Variants in RGL1 observed in about 807,000 individuals in gnomAD.
RGL1 encodes ral guanine nucleotide dissociation stimulator like 1, also known as ral guanine nucleotide dissociation stimulator-like 1.
RGL1 carries 24 observed loss-of-function variants against 95.2 expected under a neutral mutation model. The observed-to-expected ratio is 0.25, with a 90% CI of 0.18 to 0.35. The LOEUF (loss-of-function observed/expected upper bound fraction) is 0.35. RGL1 is among the 10% of genes least tolerant of loss of function. RGL1 has a pLI of 1.00. For missense variants in RGL1, 715 were observed against 936.3 expected (o/e 0.76, Z 3.08); for synonymous variants, 329 against 344.9 (o/e 0.95, Z 0.51).
intron 5 of RGL1, among the ~76,000 whole-genome samples, chr1:183,883,557 T>C (rs1230889640): frequency 6.6e-6 from 1 of 152,124 alleles, no homozygotes; most frequent in African/African-American, 2.4e-5. Flanking sequence ...AGCCAGTGAT[T>C]TGTCAGAGTG....
At chr1:183,733,343 T>A (rs12057441) in intron 1 of RGL1, among the ~76,000 whole-genome samples, 1 of 152,158 alleles carries the variant, frequency 6.6e-6, no homozygotes, top group African/African-American at 2.4e-5. Flanking sequence ...TGACTTTGTA[T>A]TCGCTTTTGG....
intron 2 of RGL1, among the ~76,000 whole-genome samples, chr1:183,785,028 A>C (rs1660086136): frequency 6.6e-6 from 1 of 152,156 alleles, no homozygotes; most frequent in Non-Finnish European, 1.5e-5. Context: ...AAAAAGTTAA[A>C]ATTTATAAGC....
chr1:183,914,587 C>T (rs181677906), intron 15 of RGL1, among the ~76,000 whole-genome samples: 101 of 152,282 alleles, frequency 6.6e-4, no homozygotes, highest in African/African-American at 2.4e-3. Flanking sequence ...CTTCCTTTTC[C>T]ACAGGCTGCA....
chr1:183,857,863 C>G (rs941301966), intron 3 of RGL1, among the ~76,000 whole-genome samples: 3 of 152,128 alleles, frequency 2.0e-5, no homozygotes, highest in African/African-American at 7.2e-5. Flanking sequence ...GACTGTAGAG[C>G]CTTAGCTTGT....
chr1:183,880,512 C>T, intron 4 of RGL1, 104 bp from the exon 5 acceptor site: 2 of 907,136 alleles, frequency 2.2e-6, no homozygotes, highest in South Asian at 1.7e-5. Context: ...TGACCACCCA[C>T]CCAAGTTTCC....
intron 9 of RGL1, among the ~76,000 whole-genome samples, chr1:183,894,420 A>G (rs562893472): frequency 6.6e-6 from 1 of 152,312 alleles, no homozygotes; most frequent in South Asian, 2.1e-4. Flanking sequence ...TTGGCTGTGA[A>G]TTCATGTGGT....
chr1:183,752,839 C>T (rs76609293), intron 2 of RGL1, among the ~76,000 whole-genome samples: 3,111 of 152,106 alleles, frequency 0.02, 96 homozygotes, highest in African/African-American at 0.069. Flanking sequence ...TTCCATTGCA[C>T]TGGAAGGGGA....
chr1:183,759,341 C>G (rs4132276), intron 2 of RGL1, among the ~76,000 whole-genome samples: 105,589 of 152,006 alleles, frequency 0.69, 37,046 homozygotes, highest in East Asian at 0.91. Context: ...GGTGGGTTTT[C>G]TGCTATAGGA....
chr1:183,789,991 G>A (rs1254227597), intron 2 of RGL1, among the ~76,000 whole-genome samples: 3 of 151,798 alleles, frequency 2.0e-5, no homozygotes, highest in Non-Finnish European at 2.9e-5. Context: ...CATGATCTTG[G>A]CTCACTGCAG....
chr1:183,733,517 A>G (rs1656755592), intron 1 of RGL1, among the ~76,000 whole-genome samples: 1 of 152,180 alleles, frequency 6.6e-6, no homozygotes, highest in Admixed American at 6.6e-5. Flanking sequence ...ATGTTGAGCC[A>G]GTAGTAGTAT....
At chr1:183,636,208 G>T in exon 1 of RGL1, 1 of 399,590 alleles carries the variant, frequency 2.5e-6, no homozygotes. Flanking sequence ...GGCTGGCTGG[G>T]ACTTGGCTGT....
upstream of RGL1, among the ~76,000 whole-genome samples, chr1:183,801,046 A>T (rs1329973960): frequency 1.3e-5 from 2 of 151,620 alleles, no homozygotes; most frequent in South Asian, 2.1e-4. Context: ...TTTTTGAGGA[A>T]CCATACTGTT....
chr1:183,786,048 A>T (rs1429819665), intron 2 of RGL1, among the ~76,000 whole-genome samples: 2 of 152,126 alleles, frequency 1.3e-5, no homozygotes, highest in Non-Finnish European at 2.9e-5. Context: ...ACTCTACTCC[A>T]GCCTGGGCAA....
chr1:183,788,713 G>A (rs1223878013), intron 2 of RGL1, among the ~76,000 whole-genome samples: 1 of 152,166 alleles, frequency 6.6e-6, no homozygotes, highest in East Asian at 1.9e-4. Flanking sequence ...ACAAAAACAA[G>A]GGACATACAC....
chr1:183,864,609 T>C (rs1665713154), intron 3 of RGL1, among the ~76,000 whole-genome samples: 1 of 152,228 alleles, frequency 6.6e-6, no homozygotes, highest in Non-Finnish European at 1.5e-5. Context: ...GCTGAGTAAA[T>C]CTTAATCTGA....
chr1:183,718,346 GA>G (rs1655769365), intron 1 of RGL1, among the ~76,000 whole-genome samples: 1 of 152,088 alleles, frequency 6.6e-6, no homozygotes, highest in Non-Finnish European at 1.5e-5. Context: ...ACATTTAAAG[GA>G]ATGACATAAG....
At chr1:183,665,958 T>A (rs550523704) in intron 1 of RGL1, among the ~76,000 whole-genome samples, 99 of 151,990 alleles carry the variant, frequency 6.5e-4, no homozygotes, top group African/African-American at 2.1e-3. Flanking sequence ...TTTTTCTAGT[T>A]TCCTAGAGTG....
chr1:183,802,867 G>A (rs976699644), upstream of RGL1, among the ~76,000 whole-genome samples: 2 of 152,150 alleles, frequency 1.3e-5, no homozygotes, highest in Non-Finnish European at 2.9e-5. Flanking sequence ...GTTAGGTCAC[G>A]GGAAGGCTAA....
In RGL1 at chr1:183,916,484, C is replaced by G. The variant is rs545950953; in HGVS notation, c.1787C>G (p.Ser596Cys). The G allele has an allele frequency of 1.9e-6, 3 of 1,614,040 alleles. No homozygotes were observed. The highest frequency in any genetic ancestry group is 2.2e-5 in the South Asian group (2 of 91,074). Reference protein sequence around the residue: ...ESSSSCSSIHSMDTNSSGMSS... With the variant: ...ESSSSCSSIHCMDTNSSGMSS... ...TCCTCATCCTGTTCTTCTATCCATTCCATGGACACAAATTCCTCAGGGATG... is the reference window on the plus strand; with the variant it reads ...TCCTCATCCTGTTCTTCTATCCATTGCATGGACACAAATTCCTCAGGGATG... Residue 596 changes from serine (S) to cysteine (C), a missense_variant, in exon 16 of 18, where the codon TCC (serine) becomes TGC (cysteine). Coordinates refer to ENST00000360851, the MANE Select transcript of RGL1 (RefSeq NM_001297671.3).
Sources: allele counts gnomAD v4.1 joint callset (sites outside exome capture counted in the v4.1 genomes callset), GRCh38; gene constraint gnomAD v4.1.1; transcripts MANE v1.5; gene names NCBI Gene and HGNC (gene_info 2026-07-23, HGNC 2026-07-21).